CEP128: variants seen among roughly 807,000 people sequenced by gnomAD.
CEP128 encodes centrosomal protein 128kDa.
Under a neutral mutation model 156.7 loss-of-function variants are expected in CEP128, and 132 were observed. That is an observed-to-expected ratio of 0.84 (90% confidence interval 0.73 to 0.97). CEP128 has a LOEUF of 0.97. Ranked by LOEUF, CEP128 falls within the 50% of genes least tolerant of loss-of-function variation. CEP128 has a pLI of 0.00. For synonymous variants in CEP128, 469 were observed against 448.9 expected (o/e 1.04, Z -0.57); for missense variants, 1,252 against 1,281.9 (o/e 0.98, Z 0.36).
chr14:80,831,293 C>T lies in CEP128; in HGVS notation c.1059G>A (p.Gly353=), dbSNP rs770666090. The T allele has an allele frequency of 5.6e-6, 9 of 1,613,794 alleles. No homozygotes were observed. In the South Asian group the frequency reaches 9.9e-5, roughly 18 times the overall value. The change falls in exon 13 of 25, where the codon GGG becomes GGA. Residue 353 remains glycine (G), a splice_region_variant and synonymous_variant. Coordinates refer to ENST00000555265, the MANE Select transcript of CEP128 (RefSeq NM_152446.5). ...EQGEDWRFRR[G]VEREKQDLEK... Reference sequence around the variant, plus strand: ...CCAGGTCCTGTTTTTCCCGCTCAACCCCTTAAAAGATAAAATGTAAGGCTC... The same window carrying T: ...CCAGGTCCTGTTTTTCCCGCTCAACTCCTTAAAAGATAAAATGTAAGGCTC...
intron 19 of CEP128, among the ~76,000 whole-genome samples, chr14:80,645,964 T>G (rs1263064373): frequency 2.0e-5 from 3 of 152,084 alleles, no homozygotes; most frequent in Non-Finnish European, 2.9e-5. Flanking sequence ...AAGAAACTCA[T>G]GTGAAAAAGG....
chr14:80,529,360 T>A (rs898450698), intron 22 of CEP128, among the ~76,000 whole-genome samples: 1 of 152,172 alleles, frequency 6.6e-6, no homozygotes, highest in African/African-American at 2.4e-5. Context: ...CATATGTGAG[T>A]CTGTATGTAT....
intron 8 of CEP128, among the ~76,000 whole-genome samples, chr14:80,886,947 A>T (rs1888836694): frequency 6.6e-6 from 1 of 152,216 alleles, no homozygotes; most frequent in East Asian, 1.9e-4. Flanking sequence ...TTACTAAGCA[A>T]ATGGAAAGCA....
Position 80,504,769 on chromosome 14 carries a change from C to A in CEP128, c.3181+143G>T, listed in dbSNP as rs142062546. The A allele has an allele frequency of 0.01, 3,525 of 347,780 alleles. 48 individuals carry two copies. Among genetic ancestry groups the A allele is most frequent in the Middle Eastern group, 0.034 (44 of 1,280 alleles). The allele number at this position is 347,780 out of a possible 1,614,324, so 21.5% of individuals were successfully genotyped here. A position where few individuals can be genotyped will look rare whatever the true frequency, so the allele number is the denominator to read the frequency against. Reference sequence around the variant, plus strand: ...GTAAACTGTGTACTATTATGAATATCCTTGAACATTTTTTGTATGATTCAT... The same window carrying A: ...GTAAACTGTGTACTATTATGAATATACTTGAACATTTTTTGTATGATTCAT... On this transcript the variant is annotated intron_variant, in intron 24 of 24. Transcript: ENST00000555265.
chr14:80,633,002 G>A (rs1207799401), intron 19 of CEP128, among the ~76,000 whole-genome samples: 1 of 152,106 alleles, frequency 6.6e-6, no homozygotes, highest in Non-Finnish European at 1.5e-5. Flanking sequence ...TGGGGTGGGA[G>A]GATTGCTTGA....
chr14:80,634,785 T>C (rs1305053798), intron 19 of CEP128, among the ~76,000 whole-genome samples: 1 of 152,214 alleles, frequency 6.6e-6, no homozygotes, highest in East Asian at 1.9e-4. Context: ...TCCCGATGCC[T>C]GAATTGTAAC....
chr14:80,912,036 G>C (rs1399386069), intron 4 of CEP128, among the ~76,000 whole-genome samples: 1 of 152,112 alleles, frequency 6.6e-6, no homozygotes, highest in East Asian at 1.9e-4. Flanking sequence ...GACCAACATG[G>C]TGAAACCCCA....
intron 21 of CEP128, among the ~76,000 whole-genome samples, chr14:80,553,816 T>C (rs968375481): frequency 4.6e-5 from 7 of 152,342 alleles, no homozygotes; most frequent in African/African-American, 1.2e-4. Flanking sequence ...AATTTAACTA[T>C]GAATTCCTTG....
At chr14:80,611,368 G>A (rs1210672652) in intron 19 of CEP128, among the ~76,000 whole-genome samples, 2 of 150,890 alleles carry the variant, frequency 1.3e-5, no homozygotes, top group Admixed American at 6.6e-5. Flanking sequence ...TTTTGAGTTT[G>A]GAATGAGAAA....
Position 80,878,564 on chromosome 14 carries a change from T to A in CEP128, c.646-15691A>T, listed in dbSNP as rs766458934. Among the ~76,000 whole-genome samples, 35 of 152,202 alleles carry A rather than the reference T, an allele frequency of 2.3e-4. 1 individual carries two copies. The highest frequency in any genetic ancestry group is 8.8e-5 in the Non-Finnish European group (6 of 68,042). ...CATAACCTGGAGTCCAGCCTTCTACTGTGCCCTGTTGGTTCTAGGTCCCAA... is the reference window on the plus strand; with the variant it reads ...CATAACCTGGAGTCCAGCCTTCTACAGTGCCCTGTTGGTTCTAGGTCCCAA... On this transcript the variant is annotated intron_variant, in intron 8 of 24. Coordinates refer to ENST00000555265, the MANE Select transcript of CEP128 (RefSeq NM_152446.5).
intron 19 of CEP128, among the ~76,000 whole-genome samples, chr14:80,615,275 T>G (rs1311907356): frequency 6.6e-6 from 1 of 152,028 alleles, no homozygotes; most frequent in African/African-American, 2.4e-5. Context: ...ACCAAAAACA[T>G]AGAGAGCTTG....
intron 9 of CEP128, among the ~76,000 whole-genome samples, chr14:80,861,498 A>G (rs1017233380): frequency 2.6e-5 from 4 of 152,092 alleles, no homozygotes; most frequent in African/African-American, 4.8e-5. Flanking sequence ...CATAACTCCA[A>G]TTATCTGAGT....
upstream of CEP128, among the ~76,000 whole-genome samples, chr14:80,944,740 T>A (rs1240768069): frequency 2.9e-5 from 4 of 137,154 alleles, no homozygotes; most frequent in East Asian, 8.9e-4. Context: ...GAGAACGGCG[T>A]AAACCCGGAA....
chr14:80,598,599 T>C (rs901938202), intron 19 of CEP128, among the ~76,000 whole-genome samples: 3 of 152,182 alleles, frequency 2.0e-5, no homozygotes, highest in African/African-American at 4.8e-5. Flanking sequence ...CAATACTTTT[T>C]TGTAGCTAAC....
intron 13 of CEP128, among the ~76,000 whole-genome samples, chr14:80,828,805 T>C (rs1216144291): frequency 6.6e-6 from 1 of 152,218 alleles, no homozygotes; most frequent in Non-Finnish European, 1.5e-5. Flanking sequence ...ACTGTTACTA[T>C]ATATATGTTC....
intron 23 of CEP128, among the ~76,000 whole-genome samples, chr14:80,523,802 A>G (rs561321451): frequency 6.6e-6 from 1 of 152,302 alleles, no homozygotes; most frequent in Non-Finnish European, 1.5e-5. Flanking sequence ...ATGTCATATA[A>G]TGTGTAAAGG....
At chr14:80,955,112 C>G (rs1886584530) in intron 2 of CEP128, 2 of 186,336 alleles carry the variant, frequency 1.1e-5, no homozygotes, top group African/African-American at 4.7e-5. Context: ...CTCTGACCCT[C>G]AGCAGAGGTG....
chr14:80,579,067 G>T (rs1403021545), intron 20 of CEP128, among the ~76,000 whole-genome samples: 1 of 152,128 alleles, frequency 6.6e-6, no homozygotes, highest in African/African-American at 2.4e-5. Flanking sequence ...TCCAACATTT[G>T]CACTGTGAAA....
intron 12 of CEP128, among the ~76,000 whole-genome samples, chr14:80,832,943 T>C (rs867640131): frequency 2.2e-4 from 33 of 152,190 alleles, no homozygotes; most frequent in African/African-American, 7.7e-4. Context: ...ATATGATTTC[T>C]GTCATAACTA....
Sources: allele counts gnomAD v4.1 joint callset (sites outside exome capture counted in the v4.1 genomes callset), GRCh38; gene constraint gnomAD v4.1.1; transcripts MANE v1.5; gene names NCBI Gene and HGNC (gene_info 2026-07-23, HGNC 2026-07-21).